Variants in GRIN3A observed in about 807,000 individuals in gnomAD.
The protein encoded by GRIN3A is glutamate ionotropic receptor NMDA type subunit 3A.
GRIN3A carries 47 observed loss-of-function variants against 92.4 expected under a neutral mutation model. The observed-to-expected ratio is 0.51, with a 90% CI of 0.40 to 0.65. The LOEUF (loss-of-function observed/expected upper bound fraction) is 0.65. Ranked by LOEUF, GRIN3A falls within the 30% of genes least tolerant of loss-of-function variation. GRIN3A has a pLI of 0.00. For synonymous variants in GRIN3A, 527 were observed against 540.6 expected, an observed-to-expected ratio of 0.97 and a Z score of 0.35; for missense variants, 1,324 against 1,393.1, an observed-to-expected ratio of 0.95 and a Z score of 0.79.
At chr9:101,625,485 A>C (rs1310173318) in intron 4 of GRIN3A, among the ~76,000 whole-genome samples, 1 of 152,210 alleles carries the variant, frequency 6.6e-6, no homozygotes, top group Admixed American at 6.5e-5. Context: ...GTATAGACAC[A>C]TAGTTGGCAG....
intron 1 of GRIN3A, among the ~76,000 whole-genome samples, chr9:101,689,156 A>T (rs1388941407): frequency 6.6e-6 from 1 of 152,106 alleles, no homozygotes; most frequent in East Asian, 1.9e-4. Flanking sequence ...CCTCTTTTAG[A>T]AGCAAAAAGC....
chr9:101,693,919 A>G (rs1235766625), intron 1 of GRIN3A, among the ~76,000 whole-genome samples: 4 of 152,228 alleles, frequency 2.6e-5, no homozygotes. Context: ...TCAAAATTAT[A>G]TTCTAGACTA....
At chr9:101,616,745 G>A (rs1828459721) in intron 5 of GRIN3A, among the ~76,000 whole-genome samples, 1 of 104,000 alleles carries the variant, frequency 9.6e-6, no homozygotes. Context: ...CTGTGGTGGG[G>A]TGGGGGGAGG....
chr9:101,615,419 C>T (rs1359129389), intron 5 of GRIN3A, among the ~76,000 whole-genome samples: 2 of 134,284 alleles, frequency 1.5e-5, no homozygotes, highest in African/African-American at 5.5e-5. Flanking sequence ...GACAGAGTCT[C>T]GATCTCGGCT....
chr9:101,626,700 T>C (rs1828638764), intron 4 of GRIN3A, among the ~76,000 whole-genome samples: 1 of 152,222 alleles, frequency 6.6e-6, no homozygotes, highest in Non-Finnish European at 1.5e-5. Context: ...AGATACTAAC[T>C]GCAACATAGA....
At chr9:101,668,710 C>T (rs1461926374) in intron 3 of GRIN3A, among the ~76,000 whole-genome samples, 3 of 152,096 alleles carry the variant, frequency 2.0e-5, no homozygotes, top group Non-Finnish European at 4.4e-5. Flanking sequence ...TTGGCTGAAT[C>T]CTCTCATGAG....
At chr9:101,573,570 T>G in intron 8 of GRIN3A, 57 bp from the exon 9 acceptor site, 1 of 1,341,248 alleles carries the variant, frequency 7.5e-7, no homozygotes, top group Non-Finnish European at 1.1e-6. Context: ...CAAGGTGCTG[T>G]CTTCATCTGT....
At chr9:101,598,336 C>T (rs1030880930) in intron 6 of GRIN3A, among the ~76,000 whole-genome samples, 6 of 151,990 alleles carry the variant, frequency 3.9e-5, no homozygotes, top group Non-Finnish European at 5.9e-5. Flanking sequence ...CAGAGCTAGA[C>T]AGTTTAATGG....
chr9:101,696,481 G>T (rs1185245416), intron 1 of GRIN3A, among the ~76,000 whole-genome samples: 1 of 152,080 alleles, frequency 6.6e-6, no homozygotes, highest in African/African-American at 2.4e-5. Flanking sequence ...AGAACTTTTG[G>T]AATAAAGATG....
chr9:101,689,730 G>GCACACACACACATA (rs1829589228), intron 1 of GRIN3A, among the ~76,000 whole-genome samples: 1 of 138,930 alleles, frequency 7.2e-6, no homozygotes, highest in Non-Finnish European at 1.6e-5. Context: ...GCATACACAT[G>GCACACACACACATA]CACACACACA....
Position 101,686,653 on chromosome 9 carries a change from G to T in GRIN3A, c.1247C>A (p.Thr416Lys). Residue 416 changes from threonine (T) to lysine (K), a missense_variant, in exon 2 of 9, where the codon ACG (threonine) becomes AAG (lysine). Thr to Lys is a moderately conservative substitution (Grantham distance 78). Coordinates refer to ENST00000361820, the MANE Select transcript of GRIN3A (RefSeq NM_133445.3). Reference sequence around the variant, plus strand: ...AGTTTCCACCTCCATGCAGTTCATCGTGCTGGGAATGAGAGCAAGTTCTGG... The same window carrying T: ...AGTTTCCACCTCCATGCAGTTCATCTTGCTGGGAATGAGAGCAAGTTCTGG... The part of the protein sequence containing the change: ...IQPELALIPS[T>K]MNCMEVETTN... The T allele has an allele frequency of 6.2e-7, 1 of 1,614,048 alleles. No homozygotes were observed. Among genetic ancestry groups the T allele is most frequent in the South Asian group, 1.1e-5 (1 of 91,070 alleles).
At chr9:101,639,347 A>G (rs1282774294) in intron 3 of GRIN3A, among the ~76,000 whole-genome samples, 1 of 152,178 alleles carries the variant, frequency 6.6e-6, no homozygotes, top group Non-Finnish European at 1.5e-5. Context: ...CTTACAGAAA[A>G]AAAAAAAGGA....
At chr9:101,717,999 A>C (rs1208654200) in intron 1 of GRIN3A, among the ~76,000 whole-genome samples, 1 of 152,214 alleles carries the variant, frequency 6.6e-6, no homozygotes. Flanking sequence ...TGTCCACCGC[A>C]GTGAATGAGG....
chr9:101,624,944 G>T (rs1828611387), intron 4 of GRIN3A, among the ~76,000 whole-genome samples: 1 of 152,274 alleles, frequency 6.6e-6, no homozygotes. Flanking sequence ...CAGGGGTGGG[G>T]TTCACCTCAT....
chr9:101,719,356 T>C (rs958084053), intron 1 of GRIN3A, among the ~76,000 whole-genome samples: 2 of 150,754 alleles, frequency 1.3e-5, no homozygotes, highest in Non-Finnish European at 2.9e-5. Flanking sequence ...GAGGCAGAAG[T>C]TGCAGTGAGC....
chr9:101,726,709 A>T (rs1830085628), intron 1 of GRIN3A, among the ~76,000 whole-genome samples: 1 of 150,418 alleles, frequency 6.6e-6, no homozygotes, highest in Non-Finnish European at 1.5e-5. Flanking sequence ...AATTTTTAAA[A>T]TTTATGTTTT....
At chr9:101,697,508 A>G (rs181730418) in intron 1 of GRIN3A, among the ~76,000 whole-genome samples, 1 of 152,294 alleles carries the variant, frequency 6.6e-6, no homozygotes, top group East Asian at 1.9e-4. Flanking sequence ...GAGCATTGTT[A>G]CGGAATAAGA....
At chr9:101,580,190 C>T (rs1048352583) in intron 6 of GRIN3A, among the ~76,000 whole-genome samples, 1 of 152,166 alleles carries the variant, frequency 6.6e-6, no homozygotes, top group Non-Finnish European at 1.5e-5. Flanking sequence ...TCCCTTTTAC[C>T]CCTCCCTTGA....
chr9:101,593,720 A>C (rs989051285), intron 6 of GRIN3A: 9 of 152,204 alleles, frequency 5.9e-5, no homozygotes, highest in African/African-American at 2.2e-4. Context: ...TGAGCTGGGC[A>C]CTTAGTCCAG....
Sources: gnomAD v4.1 joint callset for allele counts (sites outside exome capture counted in the v4.1 genomes callset) on GRCh38, gnomAD v4.1.1 for gene constraint, MANE v1.5 for transcripts, NCBI Gene and HGNC (gene_info 2026-07-23, HGNC 2026-07-21) for gene names.